The following SPAG9 variants were observed in gnomAD, a reference collection of about 807,000 sequenced individuals.
The protein encoded by SPAG9 is sperm associated antigen 9.
A neutral mutation model predicts 166.5 loss-of-function variants in SPAG9; 35 were observed. That is an observed-to-expected ratio of 0.21 (90% confidence interval 0.16 to 0.28). The LOEUF is 0.28. Among genes scored for constraint, SPAG9 ranks in the 10% least tolerant of loss-of-function variants. The probability of loss-of-function intolerance (pLI) is 1.00; values close to 1 mark genes in which losing one functional copy is unlikely to be tolerated. For synonymous variants in SPAG9, 534 were observed against 565.5 expected (o/e 0.94, Z 0.79); for missense variants, 1,235 against 1,603.3 (o/e 0.77, Z 3.92).
chr17:51,093,530 G>A (rs966691257), intron 1 of SPAG9, among the ~76,000 whole-genome samples: 8 of 151,578 alleles, frequency 5.3e-5, no homozygotes, highest in African/African-American at 1.2e-4. Context: ...GTGAAACCCC[G>A]TCTCTACTAA....
rs751243575 is a variant in SPAG9, at chr17:51,014,301, G to C, written c.1144C>G (p.Leu382Val). 3.1e-6 allele frequency: 5 copies of C among 1,613,630 alleles called. No homozygotes were observed. In the African/African-American group the frequency reaches 5.3e-5, roughly 17 times the overall value. Residue 382 changes from leucine (L) to valine (V), a missense_variant, in exon 9 of 30, where the codon CTC becomes GTC. Physicochemically the swap from Leu to Val is conservative, Grantham distance 32. Around this residue, in one of 6 missense-constraint regions of SPAG9, gnomAD observed 288 missense variants for 323.7 expected, o/e 0.89. Transcript: ENST00000262013. ...NKAFDRNTES[L>V]FEELSSAGSG... is the part of the protein sequence containing the mutation. ...CCAGCTGAAGACAGTTCTTCAAAGA[G>C]AGATTCTGTATTGCGATCAAAAGCT...
intron 9 of SPAG9, 23 bp from the exon 10 acceptor site, chr17:51,007,349 G>C (rs751948312): frequency 4.9e-6 from 7 of 1,424,628 alleles, no homozygotes; most frequent in Non-Finnish European, 6.8e-6. Context: ...AAAAGATAAA[G>C]ACTTTGAAAA....
intron 8 of SPAG9, chr17:51,016,188 A>T (rs2045691641): frequency 6.6e-6 from 1 of 152,126 alleles, no homozygotes; most frequent in Non-Finnish European, 1.5e-5. Context: ...GAAATTTGTA[A>T]CATTCAAGTT....
At chr17:51,090,003 A>G (rs1335331579) in intron 1 of SPAG9, among the ~76,000 whole-genome samples, 1 of 151,790 alleles carries the variant, frequency 6.6e-6, no homozygotes, top group African/African-American at 2.4e-5. Context: ...TAAAAAAGAG[A>G]GAAGTCATTT....
chr17:51,118,355 AAATT>A (rs1169450133), intron 1 of SPAG9, among the ~76,000 whole-genome samples: 1 of 152,222 alleles, frequency 6.6e-6, no homozygotes, highest in African/African-American at 2.4e-5. Flanking sequence ...TTTACTCAAG[AAATT>A]AATAGGGAAC....
chr17:51,039,940 AAG>A (rs1290698865), intron 5 of SPAG9, among the ~76,000 whole-genome samples: 3 of 152,252 alleles, frequency 2.0e-5, no homozygotes. Flanking sequence ...GAAGTAAAGA[AAG>A]AGAGAGTTGC....
chr17:51,090,495 G>A (rs2144686120), intron 1 of SPAG9, among the ~76,000 whole-genome samples: 1 of 152,066 alleles, frequency 6.6e-6, no homozygotes, highest in South Asian at 2.1e-4. Flanking sequence ...AACAGAGCAA[G>A]ACTCCATCTC....
At chr17:51,113,925 G>C (rs765712075) in intron 1 of SPAG9, among the ~76,000 whole-genome samples, 3 of 152,142 alleles carry the variant, frequency 2.0e-5, no homozygotes, top group Non-Finnish European at 2.9e-5. Flanking sequence ...AACCCAGGAG[G>C]CAGAGGTTGC....
chr17:51,036,732 C>T (rs1303126483), intron 5 of SPAG9, among the ~76,000 whole-genome samples: 2 of 152,112 alleles, frequency 1.3e-5, no homozygotes, highest in African/African-American at 2.4e-5. Flanking sequence ...CACCAGGCTA[C>T]CCCATATGGA....
intron 27 of SPAG9, chr17:50,976,474 T>C (rs1196127181): frequency 6.4e-6 from 1 of 155,656 alleles, no homozygotes; most frequent in African/African-American, 2.4e-5. Flanking sequence ...GGTATGGTGA[T>C]TTTGAAGTGT....
intron 2 of SPAG9, among the ~76,000 whole-genome samples, chr17:51,060,451 T>C (rs988405819): frequency 5.7e-4 from 84 of 146,858 alleles, no homozygotes; most frequent in African/African-American, 2.1e-3. Context: ...TGCCGTGAGC[T>C]GAGACTGTAC....
At chr17:51,095,281 G>A (rs1360474349) in intron 1 of SPAG9, among the ~76,000 whole-genome samples, 2 of 132,538 alleles carry the variant, frequency 1.5e-5, no homozygotes, top group African/African-American at 2.9e-5. Context: ...GGGGGACAGA[G>A]TGAGACTCCA....
chr17:51,015,941 TAAG>T (rs971259305), intron 8 of SPAG9, among the ~76,000 whole-genome samples: 2 of 152,038 alleles, frequency 1.3e-5, no homozygotes, highest in Non-Finnish European at 2.9e-5. Flanking sequence ...TTACTTCATA[TAAG>T]AAGATACAAA....
chr17:51,011,157 T>G (rs1233025827), intron 9 of SPAG9, among the ~76,000 whole-genome samples: 1 of 151,994 alleles, frequency 6.6e-6, no homozygotes, highest in African/African-American at 2.4e-5. Flanking sequence ...TTCTTTTAAA[T>G]TAGTAAAATC....
intron 19 of SPAG9, among the ~76,000 whole-genome samples, chr17:50,991,385 T>C (rs1349136986): frequency 6.6e-6 from 1 of 152,074 alleles, no homozygotes; most frequent in African/African-American, 2.4e-5. Flanking sequence ...ATTAAGATAT[T>C]AGTAAAACAT....
chr17:51,088,738 C>CA (rs1171802582), intron 1 of SPAG9, among the ~76,000 whole-genome samples: 1 of 151,844 alleles, frequency 6.6e-6, no homozygotes, highest in Admixed American at 6.6e-5. Context: ...GCAGAGCTTG[C>CA]AGTGAGCCGA....
chr17:51,056,267 G>A, intron 3 of SPAG9, 145 bp downstream of exon 3: 1 of 643,462 alleles, frequency 1.6e-6, no homozygotes, highest in Non-Finnish European at 2.7e-6. Flanking sequence ...AATGCCACAT[G>A]AAATTTAATG....
chr17:51,074,053 G>A (rs1254273262), intron 2 of SPAG9, among the ~76,000 whole-genome samples: 1 of 152,132 alleles, frequency 6.6e-6, no homozygotes, highest in Admixed American at 6.6e-5. Flanking sequence ...TGGCTAACAC[G>A]GTGAAACCCC....
intron 1 of SPAG9, among the ~76,000 whole-genome samples, chr17:51,105,270 G>A (rs184292228): frequency 2.0e-5 from 3 of 152,230 alleles, no homozygotes; most frequent in East Asian, 3.9e-4. Flanking sequence ...GAATGGTCAC[G>A]TAGGTAAGAG....
Sources: allele counts gnomAD v4.1 joint callset (sites outside exome capture counted in the v4.1 genomes callset), GRCh38; gene constraint gnomAD v4.1.1; regional missense constraint gnomAD v4.1.1; transcripts MANE v1.5; gene names NCBI Gene and HGNC (gene_info 2026-07-23, HGNC 2026-07-21).